Variants in NFX1 observed in about 807,000 individuals in gnomAD.
NFX1 encodes nuclear transcription factor, X-box binding 1.
In NFX1, 69 loss-of-function variants were observed where a neutral mutation model predicts 137.2. The ratio of observed to expected loss-of-function variants is 0.50; its 90% CI spans 0.41 to 0.61. The LOEUF is 0.61. Among genes scored for constraint, NFX1 ranks in the 20% least tolerant of loss-of-function variants. The pLI is 0.00. For missense variants in NFX1, 1,167 were observed against 1,391.0 expected (o/e 0.84, Z 2.56); for synonymous variants, 495 against 474.1 (o/e 1.04, Z -0.57).
chr9:33,315,904 G>A (rs1044084836), intron 7 of NFX1, among the ~76,000 whole-genome samples: 4 of 123,912 alleles, frequency 3.2e-5, no homozygotes, highest in African/African-American at 8.4e-5. Context: ...AAAAAAAAAA[G>A]TGGCCAGATT....
chr9:33,351,466 C>G, intron 15 of NFX1, 94 bp from the exon 16 acceptor site: 1 of 1,242,230 alleles, frequency 8.1e-7, no homozygotes, highest in Non-Finnish European at 1.1e-6. Context: ...AAAACCAAAC[C>G]CTGCCATAAG....
intron 12 of NFX1, among the ~76,000 whole-genome samples, chr9:33,339,967 T>A (rs999393391): frequency 2.0e-5 from 3 of 152,250 alleles, no homozygotes; most frequent in African/African-American, 7.2e-5. Context: ...CCCTCCCAGC[T>A]GCTTTCACAG....
intron 4 of NFX1, among the ~76,000 whole-genome samples, chr9:33,303,830 GT>G (rs944577434): frequency 2.1e-4 from 32 of 152,080 alleles, no homozygotes; most frequent in Admixed American, 4.6e-4. Flanking sequence ...ATTTCTGCAT[GT>G]TTTTTTTCCT....
intron 1 of NFX1, among the ~76,000 whole-genome samples, chr9:33,292,434 T>C (rs1381192849): frequency 1.3e-5 from 2 of 152,228 alleles, no homozygotes; most frequent in Non-Finnish European, 1.5e-5. Context: ...GATTTCCCTT[T>C]AGTCTGCCTT....
At chr9:33,311,829 G>T (rs1821972134) in intron 6 of NFX1, among the ~76,000 whole-genome samples, 2 of 152,176 alleles carry the variant, frequency 1.3e-5, no homozygotes, top group South Asian at 4.1e-4. Context: ...GGGATTACAG[G>T]CATGAGCTAC....
Position 33,301,340 on chromosome 9 carries a change from G to A in NFX1, c.1111G>A (p.Val371Met). The A allele has an allele frequency of 2.5e-6, 4 of 1,614,210 alleles. No homozygotes were observed. Among genetic ancestry groups the A allele is most frequent in the South Asian group, 1.1e-5 (1 of 91,082 alleles). Residue 371 changes from valine to methionine, a missense_variant, in exon 3 of 24, where the codon GTG becomes ATG. Transcript: ENST00000379540. ...TGAATTGGTTCGTGTCACGGCCCCA[G>A]TGTGGAGTTGTCAGAGCTGTTACCA... ...CCELVRVTAP[V>M]WSCQSCYHVF...
At chr9:33,292,374 C>T (rs1158399245) in intron 1 of NFX1, among the ~76,000 whole-genome samples, 2 of 152,226 alleles carry the variant, frequency 1.3e-5, no homozygotes, top group Non-Finnish European at 2.9e-5. Flanking sequence ...TGCCGGTGAG[C>T]AGACTCTGCA....
chr9:33,302,929 A>G (rs928739761), intron 3 of NFX1, among the ~76,000 whole-genome samples: 1 of 150,202 alleles, frequency 6.7e-6, no homozygotes, highest in African/African-American at 2.5e-5. Flanking sequence ...CTGCTTCACA[A>G]AGCGCTGGGA....
intron 2 of NFX1, among the ~76,000 whole-genome samples, chr9:33,296,224 A>C (rs1284199697): frequency 1.3e-5 from 2 of 152,180 alleles, no homozygotes; most frequent in African/African-American, 4.8e-5. Context: ...CGCCCTGCCT[A>C]AAACACACAT....
At chr9:33,324,294 G>A (rs771602313) in intron 9 of NFX1, among the ~76,000 whole-genome samples, 3 of 152,078 alleles carry the variant, frequency 2.0e-5, no homozygotes, top group Admixed American at 6.6e-5. Flanking sequence ...CAGGAGAATC[G>A]CTTGAACCCA....
chr9:33,347,661 A>T (rs915124010), intron 15 of NFX1: 2 of 414,460 alleles, frequency 4.8e-6, no homozygotes, highest in Non-Finnish European at 4.8e-6. Flanking sequence ...CGTTTGATCC[A>T]GCAGTCCCAC....
At position 33,332,505 on chromosome 9, in the gene NFX1, A is replaced by G. The variant is rs1262023668; in HGVS notation, c.2035+3A>G. On this transcript the variant is annotated splice_donor_region_variant and intron_variant, in intron 11 of 23. Coordinates refer to ENST00000379540, the MANE Select transcript of NFX1 (RefSeq NM_002504.6). ...ATGTACCAGTCTCAAAAGTGAAGGT[A>G]TGACTGGGGTGGGGCATGAGGGAAT... 2 of 1,576,572 alleles carry G rather than the reference A, an allele frequency of 1.3e-6. No homozygotes were observed. Among genetic ancestry groups the G allele is most frequent in the African/African-American group, 1.3e-5 (1 of 74,152 alleles).
intron 2 of NFX1, 147 bp from the exon 3 acceptor site, chr9:33,301,116 A>G: frequency 1.4e-6 from 1 of 723,032 alleles, no homozygotes; most frequent in Non-Finnish European, 2.2e-6. Flanking sequence ...CTGAATAGCC[A>G]GCTGCCTTAC....
chr9:33,317,040 A>G (rs1375000806), intron 7 of NFX1, among the ~76,000 whole-genome samples: 1 of 152,152 alleles, frequency 6.6e-6, no homozygotes, highest in Admixed American at 6.6e-5. Flanking sequence ...TGATTCTACA[A>G]ATATTTATTG....
intron 6 of NFX1, among the ~76,000 whole-genome samples, chr9:33,312,861 A>T (rs1564111845): frequency 1.3e-5 from 2 of 152,120 alleles, no homozygotes; most frequent in African/African-American, 2.4e-5. Flanking sequence ...ACAGAGCAAG[A>T]CTCTGTCTCA....
At position 33,367,603 on chromosome 9, in the gene NFX1, A is replaced by C; in HGVS notation, c.3274A>C (p.Arg1092=). The C allele has an allele frequency of 6.2e-7, 1 of 1,613,806 alleles. No homozygotes were observed. The highest frequency in any genetic ancestry group is 8.5e-7 in the Non-Finnish European group (1 of 1,179,768). ...ARPPPPIPHH[R]HQSDKNPGSS... ...GCCTCCACCACCGATTCCTCATCAC[A>C]GACATCAGTCAGACAAGTAAGATTC... Residue 1092 remains arginine (R), a synonymous_variant, in exon 23 of 24, where the codon AGA becomes CGA. Coordinates refer to ENST00000379540, the MANE Select transcript of NFX1 (RefSeq NM_002504.6).
chr9:33,352,636 C>G lies in NFX1; in HGVS notation c.2656-10C>G. The G allele has an allele frequency of 6.2e-7, 1 of 1,613,772 alleles. No individual in the cohort carries two copies. The highest frequency in any genetic ancestry group is 1.1e-5 in the South Asian group (1 of 91,074). On this transcript the variant is annotated splice_polypyrimidine_tract_variant and intron_variant, in intron 16 of 23. Transcript: ENST00000379540. ...GTGCTAAAAGTCGTTCCATGTTCAT[C>G]TGACTTCAGGTAGAGCTACAGTGTG...
intron 15 of NFX1, among the ~76,000 whole-genome samples, chr9:33,351,016 C>T (rs1564141868): frequency 6.6e-6 from 1 of 152,176 alleles, no homozygotes; most frequent in East Asian, 1.9e-4. Flanking sequence ...TGGTGGTACA[C>T]ACCTGTAACC....
Position 33,369,903 on chromosome 9 carries a change from C to T in NFX1, c.3291-3C>T. 1 of 1,611,848 alleles carries T rather than the reference C, an allele frequency of 6.2e-7. No individual in the cohort carries two copies. Among genetic ancestry groups the T allele is most frequent in the Non-Finnish European group, 8.5e-7 (1 of 1,178,184 alleles). ...GACTGATCATTCTTTGTTTGTTTTT[C>T]AGGAATCCTGGGAGCAGTAATTTAC... On this transcript the variant is annotated splice_region_variant and splice_polypyrimidine_tract_variant and intron_variant, in intron 23 of 23. Transcript: ENST00000379540.
Sources: gnomAD v4.1 joint callset for allele counts (sites outside exome capture counted in the v4.1 genomes callset) on GRCh38, gnomAD v4.1.1 for gene constraint, MANE v1.5 for transcripts, NCBI Gene and HGNC (gene_info 2026-07-23, HGNC 2026-07-21) for gene names.